LSG1: variants seen among roughly 807,000 people sequenced by gnomAD.
The protein encoded by LSG1 is large 60S subunit nuclear export GTPase 1.
In LSG1, 55 loss-of-function variants were observed where a neutral mutation model predicts 82.6. The observed-to-expected ratio is 0.67, with a 90% confidence interval of 0.54 to 0.83. The LOEUF is 0.83. Among genes scored for constraint, LSG1 ranks in the 40% least tolerant of loss-of-function variants. LSG1 has a pLI of 0.00. For synonymous variants in LSG1, 272 were observed against 282.5 expected (o/e 0.96, Z 0.37); for missense variants, 809 against 807.9 (o/e 1.00, Z -0.02).
chr3:194,642,300 G>A (rs931876696), intron 13 of LSG1, 53 bp from the exon 14 acceptor site: 1 of 1,506,818 alleles, frequency 6.6e-7, no homozygotes, highest in Non-Finnish European at 9.1e-7. Context: ...ATCCTTTAAG[G>A]GATATGCACA....
chr3:194,658,831 C>T, intron 7 of LSG1, 126 bp downstream of exon 7: 1 of 955,104 alleles, frequency 1.0e-6, no homozygotes, highest in South Asian at 1.6e-5. Context: ...CCTAATCCAG[C>T]ACACAGAGGA....
chr3:194,660,153 T>G lies in LSG1; in HGVS notation c.522-20A>C, dbSNP rs760461180. ...ATATCACTGAAAAACAAACACGAGA[T>G]AGACCAATCACCGTGAAGTGAAAGG... On this transcript the variant is annotated intron_variant, in intron 5 of 13. Coordinates refer to ENST00000265245, the MANE Select transcript of LSG1 (RefSeq NM_018385.3). 3 of 1,604,176 alleles carry G rather than the reference T, an allele frequency of 1.9e-6. No homozygotes were observed. The highest frequency in any genetic ancestry group is 2.6e-6 in the Non-Finnish European group (3 of 1,170,992).
intron 10 of LSG1, among the ~76,000 whole-genome samples, chr3:194,649,325 C>A (rs1718623587): frequency 6.6e-6 from 1 of 152,128 alleles, no homozygotes; most frequent in Non-Finnish European, 1.5e-5. Context: ...TATGCCCTAT[C>A]CTCCACAGCA....
At position 194,664,529 on chromosome 3, in the gene LSG1, G is replaced by A. The variant is rs368254117; in HGVS notation, c.521+1028C>T. On this transcript the variant is annotated intron_variant, in intron 5 of 13. Coordinates refer to ENST00000265245, the MANE Select transcript of LSG1 (RefSeq NM_018385.3). ...GGTGTTCATCAACTTCTAACAATCA[G>A]GAATTCTCCTTAGCATTACATGAAA... Among the ~76,000 whole-genome samples the A allele has an allele frequency of 1.7e-3, 266 of 152,242 alleles. 3 individuals are homozygous for A. Among genetic ancestry groups the A allele is most frequent in the African/African-American group, 5.9e-3 (246 of 41,524 alleles).
At chr3:194,656,492 GA>G (rs1438247421) in intron 7 of LSG1, among the ~76,000 whole-genome samples, 1 of 151,858 alleles carries the variant, frequency 6.6e-6, no homozygotes, top group South Asian at 2.1e-4. Flanking sequence ...AAAAAGTCAG[GA>G]AACAACAGGT....
chr3:194,642,308 A>G, intron 13 of LSG1, 61 bp from the exon 14 acceptor site: 1 of 1,440,502 alleles, frequency 6.9e-7, no homozygotes, highest in Non-Finnish European at 9.6e-7. Flanking sequence ...AGGGATATGC[A>G]CAGTACTATT....
At position 194,651,177 on chromosome 3, in the gene LSG1, T is replaced by C. The variant is rs1375257877; in HGVS notation, c.1213A>G (p.Thr405Ala). ...GATACTTTCTTGTTGCCCATGATGG[T>C]GTTGATTGTTGAACTCTTACCAACA... ...PNVGKSSTIN[T>A]IMGNKKVSVS... The change falls in exon 9 of 14, where the codon ACC becomes GCC. Residue 405 changes from threonine (T) to alanine (A), a missense_variant. Thr to Ala is a moderately conservative substitution (Grantham distance 58). Coordinates refer to ENST00000265245, the MANE Select transcript of LSG1 (RefSeq NM_018385.3). 1 of 1,614,108 alleles carries C rather than the reference T, an allele frequency of 6.2e-7. No homozygotes were observed. Among genetic ancestry groups the C allele is most frequent in the African/African-American group, 1.3e-5 (1 of 74,928 alleles).
intron 2 of LSG1, 89 bp from the exon 3 acceptor site, chr3:194,666,661 T>C (rs1401207264): frequency 1.5e-5 from 17 of 1,097,684 alleles, no homozygotes; most frequent in Admixed American, 2.4e-5. Flanking sequence ...AAACTAAAAA[T>C]GAGAGCCTAA....
At chr3:194,656,852 C>T (rs917236467) in intron 7 of LSG1, among the ~76,000 whole-genome samples, 1 of 152,048 alleles carries the variant, frequency 6.6e-6, no homozygotes, top group African/African-American at 2.4e-5. Flanking sequence ...TTTGTAGGGA[C>T]GTGGATGAAG....
At chr3:194,644,545 G>A in intron 13 of LSG1, 28 bp downstream of exon 13, 1 of 1,571,918 alleles carries the variant, frequency 6.4e-7, no homozygotes, top group Non-Finnish European at 8.7e-7. Context: ...TGTTGGATCA[G>A]AAGTTTAAGA....
Position 194,641,769 on chromosome 3 carries a change from A to AAAAG in LSG1, c.*298_*299insCTTT, listed in dbSNP as rs1718391754. 2 of 217,200 alleles carry AAAAG rather than the reference A, an allele frequency of 9.2e-6. No individual in the cohort carries two copies. The highest frequency in any genetic ancestry group is 1.8e-5 in the Non-Finnish European group (2 of 110,628). 13.5% of individuals were successfully genotyped at this position (217,200 alleles called of 1,614,324 possible). On this transcript the variant is annotated 3_prime_UTR_variant, in exon 14 of 14. Coordinates refer to ENST00000265245, the MANE Select transcript of LSG1 (RefSeq NM_018385.3). ...GCTGGGATTACAGGTGCGCGCCACC[A>AAAAG]CGCCTGGCTAATTTTTTTGTATTTT...
chr3:194,666,598 T>G (rs1290248258), intron 2 of LSG1, 26 bp from the exon 3 acceptor site: 1 of 1,596,482 alleles, frequency 6.3e-7, no homozygotes, highest in South Asian at 1.1e-5. Flanking sequence ...AAAGTACTAT[T>G]ACTTAAGAGG....
chr3:194,668,977 T>C (rs1619816), intron 2 of LSG1, among the ~76,000 whole-genome samples: 97,676 of 151,680 alleles, frequency 0.64, 32,188 homozygotes, highest in East Asian at 0.87. Context: ...ATCTCACTTA[T>C]ACGTGGAATA....
intron 10 of LSG1, 130 bp downstream of exon 10, chr3:194,650,751 A>C (rs1718656308): frequency 1.2e-6 from 1 of 867,092 alleles, no homozygotes; most frequent in African/African-American, 1.7e-5. Flanking sequence ...GCTATCTCAC[A>C]GTATAAACTT....
chr3:194,643,330 T>C (rs368680117), intron 13 of LSG1, among the ~76,000 whole-genome samples: 6 of 152,358 alleles, frequency 3.9e-5, no homozygotes, highest in East Asian at 3.9e-4. Flanking sequence ...GGTGCAAATA[T>C]TTGTAAATCA....
intron 12 of LSG1, among the ~76,000 whole-genome samples, chr3:194,645,593 C>CACACAGACAGACAG (rs1718531995): frequency 3.0e-5 from 3 of 100,224 alleles, no homozygotes; most frequent in African/African-American, 1.3e-4. Flanking sequence ...CACACACACA[C>CACACAGACAGACAG]ACACACACAC....
intron 2 of LSG1, 58 bp downstream of exon 2, chr3:194,669,951 C>A (rs1362628383): frequency 8.3e-6 from 13 of 1,566,366 alleles, no homozygotes; most frequent in Admixed American, 2.0e-5. Flanking sequence ...ACAAAAAAAA[C>A]CTCAGCCCCA....
intron 5 of LSG1, among the ~76,000 whole-genome samples, chr3:194,663,031 AG>A (rs762039041): frequency 8.5e-5 from 13 of 152,250 alleles, no homozygotes; most frequent in Admixed American, 2.0e-4. Flanking sequence ...GAAAAAGAAA[AG>A]GAACAAAGAG....
chr3:194,662,277 T>G (rs1034724275), intron 5 of LSG1, among the ~76,000 whole-genome samples: 2 of 152,150 alleles, frequency 1.3e-5, no homozygotes, highest in African/African-American at 4.8e-5. Context: ...TAGGGTTTAT[T>G]ATGGAGAAAA....
Sources: gnomAD v4.1 joint callset for allele counts (sites outside exome capture counted in the v4.1 genomes callset) on GRCh38, gnomAD v4.1.1 for gene constraint, MANE v1.5 for transcripts, NCBI Gene and HGNC (gene_info 2026-07-23, HGNC 2026-07-21) for gene names.